NFASC: variants seen among roughly 807,000 people sequenced by gnomAD.
NFASC encodes the protein neurofascin.
A neutral mutation model predicts 147.5 loss-of-function variants in NFASC; 43 were observed. The ratio of observed to expected loss-of-function variants is 0.29; its 90% CI spans 0.23 to 0.38. The LOEUF (loss-of-function observed/expected upper bound fraction) is 0.38, where lower values mean the gene tolerates loss of function less well. Ranked by LOEUF, NFASC falls within the 10% of genes least tolerant of loss-of-function variation. NFASC has a pLI of 1.00. For missense variants in NFASC, 1,320 were observed against 1,689.0 expected (o/e 0.78, Z 3.83); for synonymous variants, 622 against 665.5 (o/e 0.93, Z 1.01).
chr1:205,013,613 T>A (rs1228060440), intron 29 of NFASC, among the ~76,000 whole-genome samples: 1 of 152,218 alleles, frequency 6.6e-6, no homozygotes, highest in East Asian at 1.9e-4. Flanking sequence ...GATGCATCTT[T>A]GTATGTGGGC....
chr1:205,008,483 G>C (rs1255030257), intron 27 of NFASC: 1 of 152,584 alleles, frequency 6.6e-6, no homozygotes, highest in East Asian at 1.9e-4. Context: ...CAGTTCCTTT[G>C]ATCCTTCCCT....
chr1:204,891,335 G>A (rs889841525), intron 1 of NFASC, among the ~76,000 whole-genome samples: 6 of 152,184 alleles, frequency 3.9e-5, no homozygotes, highest in Non-Finnish European at 7.4e-5. Flanking sequence ...ATGGACTGTT[G>A]CTAGGGACAG....
Position 204,968,735 on chromosome 1 carries a change from G to A in NFASC, c.819-63G>A, listed in dbSNP as rs2095091186. ...TTAGGCCACCTGGGTGTCCCCAGCT[G>A]TATAGAAGAGGAGAAAGGCCACGTT... On this transcript the variant is annotated intron_variant, in intron 9 of 29. Transcript: ENST00000339876. The surrounding 1 kb of genome is among the most constrained non-coding windows in gnomAD (Gnocchi z 5.4). 2.0e-6 allele frequency: 3 copies of A among 1,496,598 alleles called. No individual in the cohort carries two copies. Among genetic ancestry groups the A allele is most frequent in the East Asian group, 2.3e-5 (1 of 42,814 alleles). The allele number at this position is 1,496,598 out of a possible 1,614,324, so 92.7% of individuals were successfully genotyped here. A position where few individuals can be genotyped will look rare whatever the true frequency, so the allele number is the denominator to read the frequency against.
At chr1:204,900,442 A>G (rs556606699) in intron 1 of NFASC, among the ~76,000 whole-genome samples, 10 of 152,262 alleles carry the variant, frequency 6.6e-5, no homozygotes, top group African/African-American at 2.4e-4. Context: ...TTCTAGCTGC[A>G]TGTATAAATG....
chr1:204,983,478 C>T (rs368792442), intron 21 of NFASC, among the ~76,000 whole-genome samples: 6 of 152,126 alleles, frequency 3.9e-5, no homozygotes, highest in East Asian at 3.9e-4. Flanking sequence ...CCTCCATGGA[C>T]GGGGATAGAT....
At chr1:204,953,025 A>G (rs994824331) in intron 5 of NFASC, among the ~76,000 whole-genome samples, 4 of 152,184 alleles carry the variant, frequency 2.6e-5, no homozygotes, top group Non-Finnish European at 4.4e-5. Context: ...AGTCAGGGTA[A>G]TGGTAACCTC....
chr1:204,930,080 G>A (rs1158500316), intron 2 of NFASC, among the ~76,000 whole-genome samples: 3 of 152,196 alleles, frequency 2.0e-5, no homozygotes, highest in Non-Finnish European at 4.4e-5. Context: ...ACCCAGTGCA[G>A]CCAAGCCAGA....
intron 1 of NFASC, among the ~76,000 whole-genome samples, chr1:204,842,757 G>C (rs1387223469): frequency 6.6e-6 from 1 of 152,248 alleles, no homozygotes; most frequent in African/African-American, 2.4e-5. Flanking sequence ...CTGGGACATG[G>C]ATGGGCTTCG....
intron 1 of NFASC, among the ~76,000 whole-genome samples, chr1:204,844,718 C>T (rs1676442473): frequency 6.6e-6 from 1 of 152,130 alleles, no homozygotes; most frequent in Admixed American, 6.5e-5. Context: ...GGTGGCTTCT[C>T]AGTCAACAGG....
intron 23 of NFASC, 41 bp from the exon 24 acceptor site, chr1:204,991,251 T>C (rs376934404): frequency 8.6e-5 from 138 of 1,609,272 alleles, no homozygotes; most frequent in Middle Eastern, 1.7e-4. Flanking sequence ...TTTCCATCCT[T>C]TCTCCCTCTG....
chr1:204,881,270 A>G (rs1337283977), intron 1 of NFASC, among the ~76,000 whole-genome samples: 1 of 152,214 alleles, frequency 6.6e-6, no homozygotes, highest in East Asian at 1.9e-4. Context: ...GTGCCCCTGA[A>G]GTAGGCGACA....
intron 11 of NFASC, among the ~76,000 whole-genome samples, chr1:204,972,027 A>C (rs572130155): frequency 6.6e-6 from 1 of 152,342 alleles, no homozygotes; most frequent in East Asian, 1.9e-4. Flanking sequence ...TTTGCCAGGC[A>C]AGGAGGTGTA....
intron 24 of NFASC, among the ~76,000 whole-genome samples, chr1:204,994,972 G>A (rs984306917): frequency 7.9e-5 from 12 of 152,012 alleles, no homozygotes; most frequent in African/African-American, 9.7e-5. Context: ...AATTAGCCAA[G>A]CATGGTGGAC....
intron 27 of NFASC, among the ~76,000 whole-genome samples, chr1:205,005,087 AG>A (rs35617828): frequency 6.6e-6 from 1 of 152,236 alleles, no homozygotes; most frequent in East Asian, 1.9e-4. Context: ...GCAGGGCCTC[AG>A]GGGCCCTGAA....
rs1553266033 is a variant in NFASC, at chr1:204,939,038, A to ATGGATGTGTGTGTG, written c.-90-5186_-90-5185insGATGTGTGTGTGTG. The stretch of plus-strand genomic sequence containing the variant: ...TTCTCTTTTCTTCCTGTATGGATGG[A>ATGGATGTGTGTGTG]TGTGTGTGTGTGTGTGTGTGTGTGT... On this transcript the variant is annotated intron_variant, in intron 2 of 29. Transcript: ENST00000339876. Among the ~76,000 whole-genome samples, 435 of 123,698 alleles carry ATGGATGTGTGTGTG rather than the reference A, an allele frequency of 3.5e-3. 1 individual carries two copies. Among genetic ancestry groups the ATGGATGTGTGTGTG allele is most frequent in the South Asian group, 8.6e-3 (29 of 3,382 alleles). The allele number at this position is 123,698 out of a possible 152,430, so 81.2% of individuals were successfully genotyped here. A position where few individuals can be genotyped will look rare whatever the true frequency, so the allele number is the denominator to read the frequency against.
At chr1:205,002,571 G>C (rs759359509) in intron 26 of NFASC, 25 bp from the exon 27 acceptor site, 32 of 1,451,900 alleles carry the variant, frequency 2.2e-5, no homozygotes, top group Middle Eastern at 3.8e-4. Flanking sequence ...CTGGCTCTAG[G>C]CTGATTGAGG....
chr1:204,875,336 A>G (rs771108248), intron 1 of NFASC, among the ~76,000 whole-genome samples: 1 of 152,052 alleles, frequency 6.6e-6, no homozygotes. Context: ...CCAGCCTTCC[A>G]CTGTTTTCCA....
chr1:204,883,163 C>A lies in NFASC; in HGVS notation c.-199-37469C>A, dbSNP rs1415247982. 3.3e-5 allele frequency among the ~76,000 whole-genome samples: 5 copies of A among 152,242 alleles called. No individual in the cohort carries two copies. In the South Asian group the frequency reaches 1.0e-3, roughly 32 times the overall value. ...GGATAGAATGGCACTGGATGACTCGCACTGGGAGCCCAGCTTATGTGAATG... is the reference window on the plus strand; with the variant it reads ...GGATAGAATGGCACTGGATGACTCGAACTGGGAGCCCAGCTTATGTGAATG... On this transcript the variant is annotated intron_variant, in intron 1 of 29. Coordinates refer to ENST00000339876, the MANE Select transcript of NFASC (RefSeq NM_001005388.3).
intron 1 of NFASC, among the ~76,000 whole-genome samples, chr1:204,884,047 G>A (rs1406259132): frequency 6.6e-6 from 1 of 152,146 alleles, no homozygotes; most frequent in Non-Finnish European, 1.5e-5. Flanking sequence ...TCACACAGAA[G>A]TATTAAGTTG....
Sources: gnomAD v4.1 joint callset for allele counts (sites outside exome capture counted in the v4.1 genomes callset) on GRCh38, gnomAD v4.1.1 for gene constraint, Gnocchi (gnomAD v3.1) non-coding constraint, MANE v1.5 for transcripts, NCBI Gene and HGNC (gene_info 2026-07-23, HGNC 2026-07-21) for gene names.